The following TAS2R30 variants were observed in gnomAD, a reference collection of about 807,000 sequenced individuals.
TAS2R30 encodes the protein taste receptor type 2 member 30.
For missense variants in TAS2R30, 395 were observed against 371.6 expected (o/e 1.06, Z -0.52); for synonymous variants, 141 against 131.6 (o/e 1.07, Z -0.49).
chr12:11,134,276 G>A, exon 1 of TAS2R30: 1 of 1,573,032 alleles, frequency 6.4e-7, no homozygotes, highest in Non-Finnish European at 8.6e-7. Flanking sequence ...TTTTTAAAAT[G>A]CTGGTGTAAT....
chr12:11,133,521 A>T, exon 1 of TAS2R30: 1 of 1,614,206 alleles, frequency 6.2e-7, no homozygotes, highest in Non-Finnish European at 8.5e-7. Context: ...ATGGACAGAA[A>T]GTAAATGGCA....
exon 1 of TAS2R30, chr12:11,134,228 G>A (rs1370151575): frequency 3.1e-6 from 5 of 1,612,712 alleles, no homozygotes; most frequent in Non-Finnish European, 4.2e-6. Flanking sequence ...AAAAATGATG[G>A]GCAGAAAAGT....
At chr12:11,133,251 T>A in exon 1 of TAS2R30, 1 of 1,553,124 alleles carries the variant, frequency 6.4e-7, no homozygotes, top group Non-Finnish European at 8.7e-7. Flanking sequence ...GTAAGAAATA[T>A]AAAATGTTTC....
At chr12:11,133,731 T>C (rs765869567) in exon 1 of TAS2R30, 27 of 1,614,058 alleles carry the variant, frequency 1.7e-5, no homozygotes, top group African/African-American at 1.2e-4. Flanking sequence ...GAATGGTACA[T>C]TGCACTCCTC....
exon 1 of TAS2R30, chr12:11,133,361 C>G (rs772868082): frequency 1.9e-6 from 3 of 1,613,858 alleles, no homozygotes; most frequent in Non-Finnish European, 2.5e-6. Flanking sequence ...CCTCACATGC[C>G]GCAAAACTGA....
exon 1 of TAS2R30, chr12:11,133,953 G>A (rs1946466127): frequency 6.2e-7 from 1 of 1,614,110 alleles, no homozygotes. Flanking sequence ...CTAGTAGCAA[G>A]CCAGCTGCTG....
At chr12:11,133,479 C>A in the TAS2R30 span, 1 of 1,614,064 alleles carries the variant, frequency 6.2e-7, no homozygotes, top group Non-Finnish European at 8.5e-7. Context: ...GGTTGCTTTT[C>A]CAGCCTCCCA....
At chr12:11,133,532 C>G (rs1235311348) in exon 1 of TAS2R30, 2 of 1,614,042 alleles carry the variant, frequency 1.2e-6, no homozygotes, top group East Asian at 4.5e-5. Context: ...GTAAATGGCA[C>G]ATAACAGAAG....
exon 1 of TAS2R30, chr12:11,133,506 T>A: frequency 6.2e-7 from 1 of 1,614,156 alleles, no homozygotes; most frequent in Non-Finnish European, 8.5e-7. Flanking sequence ...CAAACTGATA[T>A]GATCATGGAC....
At chr12:11,133,781 G>C (rs1304935806) in exon 1 of TAS2R30, 1 of 1,613,982 alleles carries the variant, frequency 6.2e-7, no homozygotes, top group Non-Finnish European at 8.5e-7. Flanking sequence ...ATATTCTTTT[G>C]TCCATACAGT....
exon 1 of TAS2R30, chr12:11,133,743 A>G (rs764832223): frequency 3.7e-6 from 6 of 1,614,066 alleles, no homozygotes; most frequent in Middle Eastern, 1.6e-4. Context: ...GCACTCCTCA[A>G]TTTGATCTTC....
exon 1 of TAS2R30, chr12:11,133,105 T>A (rs1213999489): frequency 7.4e-6 from 5 of 672,952 alleles, no homozygotes; most frequent in Admixed American, 4.1e-5. Context: ...ATTGTCAATG[T>A]TCTTCAGTTT....
Position 11,134,563 on chromosome 12 carries a change from T to C in TAS2R30, c.-319A>G, listed in dbSNP as rs1002078715. Reference sequence around the variant, plus strand: ...ACATGAAACCTGAATTCTCATTTGCTAGTATGCAAACAAGGACATGTTCAC... The same window carrying C: ...ACATGAAACCTGAATTCTCATTTGCCAGTATGCAAACAAGGACATGTTCAC... On this transcript the variant is annotated 5_prime_UTR_variant, in exon 1 of 1. An upstream open reading frame in the 5' UTR loses its in-frame stop. Transcript: ENST00000539585. 5 of 296,616 alleles carry C rather than the reference T, an allele frequency of 1.7e-5. No homozygotes were observed. The highest frequency in any genetic ancestry group is 2.5e-5 in the Non-Finnish European group (4 of 160,838). The allele number at this position is 296,616 out of a possible 1,614,324, so 18.4% of individuals were successfully genotyped here.
At chr12:11,133,617 G>A in the TAS2R30 span, 1 of 1,614,262 alleles carries the variant, frequency 6.2e-7, no homozygotes, top group African/African-American at 1.3e-5. Context: ...CCATGGAGCT[G>A]CATCTTCTTG....
At chr12:11,133,679 G>C (rs749984347) in exon 1 of TAS2R30, 1 of 1,614,244 alleles carries the variant, frequency 6.2e-7, no homozygotes, top group Non-Finnish European at 8.5e-7. Context: ...CAGGGTCAGA[G>C]TGAGGGGTAC....
chr12:11,133,609 A>G (rs553566059), exon 1 of TAS2R30: 7 of 1,614,276 alleles, frequency 4.3e-6, no homozygotes, highest in South Asian at 2.2e-5. Context: ...ATCCTTTGCC[A>G]TGGAGCTGCA....
exon 1 of TAS2R30, chr12:11,133,971 T>C: frequency 6.2e-7 from 1 of 1,613,992 alleles, no homozygotes; most frequent in Non-Finnish European, 8.5e-7. Flanking sequence ...CTGAAATGGT[T>C]GGTTACTGCC....
exon 1 of TAS2R30, chr12:11,133,293 C>T (rs772327070): frequency 6.2e-7 from 1 of 1,605,846 alleles, no homozygotes; most frequent in South Asian, 1.1e-5. Flanking sequence ...TGCTAGAAGA[C>T]ACACAATGCC....
chr12:11,134,130 G>A, the TAS2R30 span: 3 of 1,614,134 alleles, frequency 1.9e-6, no homozygotes, highest in Non-Finnish European at 2.5e-6. Flanking sequence ...GAGATCTTTT[G>A]TCTCTTGACC....
Sources: allele counts gnomAD v4.1 joint callset, GRCh38; gene constraint gnomAD v4.1.1; transcripts MANE v1.5; gene names NCBI Gene and HGNC (gene_info 2026-07-23, HGNC 2026-07-21).